Variants in PCDHA2 observed in about 807,000 individuals in gnomAD.
PCDHA2 encodes the protein protocadherin alpha 2.
In PCDHA2, 58 loss-of-function variants were observed where a neutral mutation model predicts 66.0. The ratio of observed to expected loss-of-function variants is 0.88; its 90% confidence interval spans 0.71 to 1.09. The LOEUF is 1.09. Among genes scored for constraint, PCDHA2 ranks in the 50% least tolerant of loss-of-function variants. The probability of loss-of-function intolerance (pLI) is 0.00; values close to 1 mark genes in which losing one functional copy is unlikely to be tolerated. For missense variants in PCDHA2, 1,267 were observed against 1,242.3 expected (o/e 1.02, Z -0.30); for synonymous variants, 634 against 554.0 (o/e 1.14, Z -2.03).
At chr5:140,838,851 G>A (rs1275085955) in intron 1 of PCDHA2, among the ~76,000 whole-genome samples, 1 of 151,804 alleles carries the variant, frequency 6.6e-6, no homozygotes, top group African/African-American at 2.4e-5. Context: ...AAGCCAGGGA[G>A]GTCCAAGCTG....
Position 141,011,328 on chromosome 5 carries a change from A to G in PCDHA2, c.*1391A>G, listed in dbSNP as rs1554263430. 2 of 153,726 alleles carry G rather than the reference A, an allele frequency of 1.3e-5. No homozygotes were observed. Among genetic ancestry groups the G allele is most frequent in the Admixed American group, 1.3e-4 (2 of 15,268 alleles). 9.5% of individuals were successfully genotyped at this position (153,726 alleles called of 1,614,324 possible). On this transcript the variant is annotated 3_prime_UTR_variant, in exon 4 of 4. Transcript: ENST00000526136. Reference sequence around the variant, plus strand: ...ATTGCTAATCTTACTAACACCTATGATGTTACCTGAAATCAATCTCCCATA... The same window carrying G: ...ATTGCTAATCTTACTAACACCTATGGTGTTACCTGAAATCAATCTCCCATA...
At position 140,842,838 on chromosome 5, in the gene PCDHA2, G is replaced by A. The variant is rs1265674507; in HGVS notation, c.2388+45486G>A. 6.3e-7 allele frequency: 1 copy of A among 1,593,906 alleles called. No homozygotes were observed. Among genetic ancestry groups the A allele is most frequent in the South Asian group, 1.1e-5 (1 of 90,422 alleles). ...CGGGTGGGCGAGCGCTCGCTGTCGAGCTACATTTCGGTGCACACGGAGAGC... is the reference window on the plus strand; with the variant it reads ...CGGGTGGGCGAGCGCTCGCTGTCGAACTACATTTCGGTGCACACGGAGAGC... On this transcript the variant is annotated intron_variant, in intron 1 of 3. Transcript: ENST00000526136.
intron 1 of PCDHA2, chr5:140,857,412 C>A: frequency 1.3e-6 from 2 of 1,598,338 alleles, no homozygotes; most frequent in Non-Finnish European, 1.7e-6. Context: ...CCTGCGTTCG[C>A]GCAGTCCGAG....
chr5:140,803,866 CAA>C, intron 1 of PCDHA2: 1 of 568,118 alleles, frequency 1.8e-6, no homozygotes, highest in Non-Finnish European at 3.1e-6. Flanking sequence ...GGGTATAAGA[CAA>C]ATATTTTTTC....
At chr5:141,003,486 T>C (rs1563677160) in intron 3 of PCDHA2, among the ~76,000 whole-genome samples, 2 of 152,054 alleles carry the variant, frequency 1.3e-5, no homozygotes. Flanking sequence ...CTAATTTTTA[T>C]AGTTTTAGTA....
intron 3 of PCDHA2, among the ~76,000 whole-genome samples, chr5:140,999,340 C>T (rs903484891): frequency 2.6e-5 from 4 of 152,146 alleles, no homozygotes; most frequent in African/African-American, 4.8e-5. Flanking sequence ...ATTTATAAGC[C>T]TTGTCTCTTT....
At chr5:140,956,073 T>C (rs2095254120) in intron 1 of PCDHA2, among the ~76,000 whole-genome samples, 1 of 152,208 alleles carries the variant, frequency 6.6e-6, no homozygotes, top group South Asian at 2.1e-4. Context: ...TTTCCAGATA[T>C]AGGATCATGT....
At chr5:140,827,932 A>G (rs148093365) in intron 1 of PCDHA2, 1 of 1,026,324 alleles carries the variant, frequency 9.7e-7, no homozygotes, top group African/African-American at 1.6e-5. Flanking sequence ...CCATGAAGTT[A>G]TAGCTAGCCA....
intron 1 of PCDHA2, chr5:140,882,955 C>T: frequency 6.2e-7 from 1 of 1,614,178 alleles, no homozygotes; most frequent in East Asian, 2.2e-5. Context: ...TTCAGCTGCT[C>T]ATCACGATTC....
At chr5:140,829,437 A>G in intron 1 of PCDHA2, 1 of 1,614,082 alleles carries the variant, frequency 6.2e-7, no homozygotes, top group Non-Finnish European at 8.5e-7. Flanking sequence ...GCCGACATGA[A>G]TGACAATGCT....
At chr5:140,836,267 T>C in intron 1 of PCDHA2, 1 of 1,613,696 alleles carries the variant, frequency 6.2e-7, no homozygotes, top group Non-Finnish European at 8.5e-7. Flanking sequence ...GGCTGTACAC[T>C]GGTGAGATCA....
At chr5:140,883,367 G>A (rs782044159) in intron 1 of PCDHA2, 2 of 1,614,124 alleles carry the variant, frequency 1.2e-6, no homozygotes, top group East Asian at 2.2e-5. Context: ...TCAGCCTAGC[G>A]CCATTATTGC....
At chr5:140,849,121 A>T (rs2150430770) in intron 1 of PCDHA2, 1 of 1,407,396 alleles carries the variant, frequency 7.1e-7, no homozygotes. Flanking sequence ...CCGGAGCTTC[A>T]TTTATTGCTC....
chr5:140,841,974 G>A (rs1777620025), intron 1 of PCDHA2: 1 of 1,613,872 alleles, frequency 6.2e-7, no homozygotes, highest in South Asian at 1.1e-5. Context: ...ACAGATGGGG[G>A]CAAACCTGAG....
chr5:140,993,462 T>TCACACACACACACA (rs3836747), intron 3 of PCDHA2, among the ~76,000 whole-genome samples: 3 of 140,938 alleles, frequency 2.1e-5, no homozygotes, highest in African/African-American at 5.3e-5. Flanking sequence ...TCTTTCTTTC[T>TCACACACACACACA]CACACACACA....
At chr5:140,991,078 A>T (rs1378051907) in intron 3 of PCDHA2, among the ~76,000 whole-genome samples, 1 of 152,188 alleles carries the variant, frequency 6.6e-6, no homozygotes, top group Non-Finnish European at 1.5e-5. Context: ...TGTTTCAGAT[A>T]AAAAAATTAA....
intron 1 of PCDHA2, among the ~76,000 whole-genome samples, chr5:140,942,264 G>T (rs868983277): frequency 5.9e-5 from 9 of 152,122 alleles, no homozygotes; most frequent in Non-Finnish European, 1.2e-4. Flanking sequence ...GATATCTAAA[G>T]CTGGTAATGG....
At chr5:140,841,187 C>T in intron 1 of PCDHA2, 1 of 1,214,566 alleles carries the variant, frequency 8.2e-7, no homozygotes, top group South Asian at 1.6e-5. Context: ...TGTTCAAAGT[C>T]TTTTCTCTGA....
At chr5:140,973,782 C>CT (rs1461331270) in intron 1 of PCDHA2, among the ~76,000 whole-genome samples, 7 of 152,208 alleles carry the variant, frequency 4.6e-5, no homozygotes, top group African/African-American at 1.7e-4. Flanking sequence ...TATAGGTTGC[C>CT]TATTGGCATG....
Sources: gnomAD v4.1 joint callset for allele counts (sites outside exome capture counted in the v4.1 genomes callset) on GRCh38, gnomAD v4.1.1 for gene constraint, MANE v1.5 for transcripts, NCBI Gene and HGNC (gene_info 2026-07-23, HGNC 2026-07-21) for gene names.